FGD4: variants seen among roughly 807,000 people sequenced by gnomAD.
The protein encoded by FGD4 is FYVE, RhoGEF and PH domain-containing protein 4.
A neutral mutation model predicts 102.0 loss-of-function variants in FGD4; 42 were observed. The observed-to-expected ratio is 0.41, with a 90% CI of 0.32 to 0.53. The LOEUF is 0.53. FGD4 is among the 20% of genes least tolerant of loss of function. The pLI is 0.21. For synonymous variants in FGD4, 380 were observed against 375.7 expected, an observed-to-expected ratio of 1.01 and a Z score of -0.13; for missense variants, 902 against 1,078.2, an observed-to-expected ratio of 0.84 and a Z score of 2.29.
intron 1 of FGD4, among the ~76,000 whole-genome samples, chr12:32,503,006 G>A (rs1432445353): frequency 6.6e-6 from 1 of 152,182 alleles, no homozygotes; most frequent in African/African-American, 2.4e-5. Context: ...CATATTGTGA[G>A]CAGTAGAAGG....
intron 2 of FGD4, among the ~76,000 whole-genome samples, chr12:32,572,935 C>T (rs1474167090): frequency 2.6e-5 from 4 of 152,118 alleles, no homozygotes; most frequent in Non-Finnish European, 2.9e-5. Flanking sequence ...CCGTTGGCTG[C>T]AATTTGTTTG....
At chr12:32,535,737 CTCATT>C (rs1478955612) in intron 1 of FGD4, among the ~76,000 whole-genome samples, 4 of 152,056 alleles carry the variant, frequency 2.6e-5, no homozygotes, top group Non-Finnish European at 5.9e-5. Flanking sequence ...TCTGTCCATT[CTCATT>C]TATCTTCAAA....
At chr12:32,560,819 A>G (rs1944482820) in intron 1 of FGD4, among the ~76,000 whole-genome samples, 1 of 151,368 alleles carries the variant, frequency 6.6e-6, no homozygotes, top group South Asian at 2.1e-4. Flanking sequence ...CAACCTCCCC[A>G]GTAGCTGGGA....
chr12:32,563,677 C>G (rs937688262), intron 1 of FGD4, among the ~76,000 whole-genome samples: 2 of 152,148 alleles, frequency 1.3e-5, no homozygotes, highest in African/African-American at 2.4e-5. Context: ...TGTAGCGAGC[C>G]GCGATCACGC....
chr12:32,609,118 C>G (rs1948977789), intron 8 of FGD4, among the ~76,000 whole-genome samples: 1 of 152,178 alleles, frequency 6.6e-6, no homozygotes. Context: ...CCCACCTCAG[C>G]TTCCCAAAGT....
chr12:32,553,762 G>A (rs1332211620), intron 1 of FGD4, among the ~76,000 whole-genome samples: 2 of 152,178 alleles, frequency 1.3e-5, no homozygotes, highest in Admixed American at 1.3e-4. Flanking sequence ...AATATTGGCA[G>A]CCTATAATGC....
At chr12:32,479,008 T>C (rs566757017) in intron 1 of FGD4, among the ~76,000 whole-genome samples, 1 of 152,246 alleles carries the variant, frequency 6.6e-6, no homozygotes, top group African/African-American at 2.4e-5. Flanking sequence ...GCCCAACTTA[T>C]AACTCCGTTT....
intron 1 of FGD4, among the ~76,000 whole-genome samples, chr12:32,407,972 C>A (rs932194343): frequency 6.9e-6 from 1 of 145,536 alleles, no homozygotes; most frequent in Non-Finnish European, 1.5e-5. Context: ...TAATCCTAGA[C>A]TTTATTTATT....
chr12:32,400,027 C>A (rs979332941), intron 1 of FGD4, 68 bp downstream of exon 1: 5 of 1,401,852 alleles, frequency 3.6e-6, no homozygotes, highest in African/African-American at 1.5e-5. Flanking sequence ...GCGCTCCCAG[C>A]GCCCTGCAGG....
At chr12:32,591,288 GTT>G (rs1445996364) in intron 4 of FGD4, among the ~76,000 whole-genome samples, 1 of 152,146 alleles carries the variant, frequency 6.6e-6, no homozygotes, top group South Asian at 2.1e-4. Context: ...CGTACATTTT[GTT>G]TTGACTATAA....
intron 1 of FGD4, among the ~76,000 whole-genome samples, chr12:32,543,020 T>C (rs1942965506): frequency 6.6e-6 from 1 of 152,084 alleles, no homozygotes; most frequent in South Asian, 2.1e-4. Context: ...CACAAGACTA[T>C]CCCCACTTTA....
chr12:32,463,956 G>A (rs1943179357), intron 1 of FGD4, among the ~76,000 whole-genome samples: 1 of 152,168 alleles, frequency 6.6e-6, no homozygotes, highest in Admixed American at 6.5e-5. Flanking sequence ...CATGAAGAAA[G>A]AATTCAGTAA....
intron 1 of FGD4, among the ~76,000 whole-genome samples, chr12:32,524,395 C>CAA (rs959203100): frequency 0.013 from 883 of 68,804 alleles, 23 homozygotes; most frequent in African/African-American, 0.031. Flanking sequence ...GACTCTGTCT[C>CAA]AAAAAAAAAA....
At position 32,643,560 on chromosome 12, in the gene FGD4, C is replaced by T. The variant is rs1370854637; in HGVS notation, c.*3027C>T. ...GACATCAGGTTTGTGTACTTATCTTCACTAGGTGACTTAACTTACCCCAAT... is the reference window on the plus strand; with the variant it reads ...GACATCAGGTTTGTGTACTTATCTTTACTAGGTGACTTAACTTACCCCAAT... On this transcript the variant is annotated 3_prime_UTR_variant, in exon 17 of 17. Coordinates refer to ENST00000534526, the MANE Select transcript of FGD4 (RefSeq NM_001370298.3). 1 of 151,978 alleles carries T rather than the reference C, an allele frequency of 6.6e-6. No homozygotes were observed. The highest frequency in any genetic ancestry group is 1.9e-4 in the East Asian group (1 of 5,204). 9.4% of individuals were successfully genotyped at this position (151,978 alleles called of 1,614,324 possible).
intron 1 of FGD4, among the ~76,000 whole-genome samples, chr12:32,480,486 C>G (rs571640722): frequency 5.3e-5 from 8 of 150,442 alleles, no homozygotes; most frequent in South Asian, 2.1e-4. Flanking sequence ...TCTCTTTTTT[C>G]TTTTCTTTCT....
chr12:32,534,486 T>A, intron 1 of FGD4: 1 of 1,513,258 alleles, frequency 6.6e-7, no homozygotes, highest in Non-Finnish European at 8.8e-7. Context: ...TGAAATCATG[T>A]CCACTGATCA....
chr12:32,401,807 C>T (rs557881099), intron 1 of FGD4, among the ~76,000 whole-genome samples: 1 of 147,752 alleles, frequency 6.8e-6, no homozygotes, highest in Non-Finnish European at 1.5e-5. Flanking sequence ...CGGCTCACTG[C>T]AACCTCTGCC....
Position 32,556,039 on chromosome 12 carries a change from G to T in FGD4, c.167-8098G>T, listed in dbSNP as rs182643861. Among the ~76,000 whole-genome samples, 836 of 151,950 alleles carry T rather than the reference G, an allele frequency of 5.5e-3. 26 individuals carry two copies. The highest frequency in any genetic ancestry group is 2.4e-3 in the Non-Finnish European group (162 of 67,974). ...TTACTTTTTGTAGAGATAGTGTCTT[G>T]CTGTGTTGCCGAAGCTAGTCTCAAA... is the stretch of plus-strand genomic sequence containing the variant. On this transcript the variant is annotated intron_variant, in intron 1 of 16. Coordinates refer to ENST00000534526, the MANE Select transcript of FGD4 (RefSeq NM_001370298.3).
At position 32,641,778 on chromosome 12, in the gene FGD4, A is replaced by AC. The variant is rs1472447086; in HGVS notation, c.*1246dup. Reference sequence around the variant, plus strand: ...CCTTTGTCGGAATGAAACAAAATCCACATGTGATAACCTATGTTTGGGGTG... The same window carrying AC: ...CCTTTGTCGGAATGAAACAAAATCCACCATGTGATAACCTATGTTTGGGGTG... On this transcript the variant is annotated 3_prime_UTR_variant, in exon 17 of 17. Coordinates refer to ENST00000534526, the MANE Select transcript of FGD4 (RefSeq NM_001370298.3). 1 of 152,166 alleles carries AC rather than the reference A, an allele frequency of 6.6e-6. No homozygotes were observed. Among genetic ancestry groups the AC allele is most frequent in the African/African-American group, 2.4e-5 (1 of 41,450 alleles). 9.4% of individuals were successfully genotyped at this position (152,166 alleles called of 1,614,324 possible).
Sources: allele counts gnomAD v4.1 joint callset (sites outside exome capture counted in the v4.1 genomes callset), GRCh38; gene constraint gnomAD v4.1.1; transcripts MANE v1.5; gene names NCBI Gene and HGNC (gene_info 2026-07-23, HGNC 2026-07-21).